FGF14: variants seen among roughly 807,000 people sequenced by gnomAD.
FGF14 encodes the protein fibroblast growth factor 14, also known as fibroblast growth factor homologous factor 4.
FGF14 carries 5 observed loss-of-function variants against 25.5 expected under a neutral mutation model. The observed-to-expected ratio is 0.20, with a 90% CI of 0.10 to 0.41. The LOEUF is 0.41. Ranked by LOEUF, FGF14 falls within the 10% of genes least tolerant of loss-of-function variation. The pLI is 1.00. For missense variants in FGF14, 222 were observed against 320.1 expected (o/e 0.69, Z 2.34); for synonymous variants, 138 against 118.3 (o/e 1.17, Z -1.08).
At position 102,161,673 on chromosome 13, in the gene FGF14, GAAGAAGAA is replaced by G. The variant is rs2047753180; in HGVS notation, c.208+239790_208+239797del. On this transcript the variant is annotated intron_variant, in intron 1 of 4. Transcript: ENST00000376131. ...AGAAGAAGAAGAAGAAGAAGAAGAA[GAAGAAGAA>G]GAAGAAGAAGAAGAAGAAGAAGAAG... 5.3e-5 allele frequency among the ~76,000 whole-genome samples: 3 copies of G among 56,192 alleles called. 1 individual carries two copies. Among genetic ancestry groups the G allele is most frequent in the African/African-American group, 2.0e-4 (3 of 14,928 alleles). The allele number at this position is 56,192 out of a possible 152,430, so 36.9% of individuals were successfully genotyped here. A position where few individuals can be genotyped will look rare whatever the true frequency, so the allele number is the denominator to read the frequency against.
intron 1 of FGF14, among the ~76,000 whole-genome samples, chr13:102,343,735 T>G (rs923474547): frequency 6.6e-6 from 1 of 152,226 alleles, no homozygotes; most frequent in African/African-American, 2.4e-5. Flanking sequence ...TTTAGAAGCA[T>G]AGCAGAATCT....
At chr13:101,785,783 C>A (rs766118520) in intron 3 of FGF14, among the ~76,000 whole-genome samples, 5 of 152,086 alleles carry the variant, frequency 3.3e-5, no homozygotes, top group Non-Finnish European at 7.4e-5. Context: ...TAGAGAGAAT[C>A]AAGTGTAAGG....
chr13:102,024,130 C>A (rs2139886392), intron 1 of FGF14, among the ~76,000 whole-genome samples: 1 of 152,064 alleles, frequency 6.6e-6, no homozygotes, highest in African/African-American at 2.4e-5. Context: ...AAAAAATTTT[C>A]TTAGGTATAT....
chr13:102,060,974 C>T (rs954112066), intron 1 of FGF14, among the ~76,000 whole-genome samples: 2 of 152,146 alleles, frequency 1.3e-5, no homozygotes, highest in Non-Finnish European at 1.5e-5. Context: ...TCATTGATGG[C>T]GGAACAATGC....
chr13:102,096,644 TTGAATTTTTCAAGCACG>T (rs558683727), intron 1 of FGF14, among the ~76,000 whole-genome samples: 64 of 152,118 alleles, frequency 4.2e-4, no homozygotes, highest in Non-Finnish European at 7.9e-4. Flanking sequence ...GAGAGGGTAC[TTGAATTTTTCAAGCACG>T]TGCAGTTTCC....
intron 1 of FGF14, among the ~76,000 whole-genome samples, chr13:102,219,464 C>T (rs748893812): frequency 5.3e-5 from 8 of 152,122 alleles, no homozygotes; most frequent in Non-Finnish European, 1.2e-4. Context: ...TCATATCTTG[C>T]TAAAGTTAGT....
chr13:101,823,331 A>G (rs2042246786), intron 3 of FGF14, among the ~76,000 whole-genome samples: 1 of 150,310 alleles, frequency 6.7e-6, no homozygotes, highest in Admixed American at 6.7e-5. Context: ...CTCTCTCTGT[A>G]TATGTATATA....
chr13:101,806,782 A>C (rs2041230683), intron 3 of FGF14, among the ~76,000 whole-genome samples: 1 of 152,176 alleles, frequency 6.6e-6, no homozygotes, highest in Non-Finnish European at 1.5e-5. Context: ...TATTAATAGC[A>C]TCACCAAATT....
At chr13:102,281,683 C>T (rs987496480) in intron 1 of FGF14, among the ~76,000 whole-genome samples, 4 of 151,214 alleles carry the variant, frequency 2.6e-5, no homozygotes, top group Non-Finnish European at 4.4e-5. Flanking sequence ...TGCTCTGATC[C>T]TAACTTCTTT....
rs570727266 is a variant in FGF14 at position 102,109,831 on chromosome 13, G to C, written c.209-234535C>G. Among the ~76,000 whole-genome samples the C allele has an allele frequency of 2.0e-5, 3 of 152,248 alleles. No individual in the cohort carries two copies. In the South Asian group the frequency reaches 6.2e-4, roughly 32 times the overall value. ...GATGGGCTTTCACCATGTTGGCCAG[G>C]CTGGTCTCGAACTCCCGACCTCAGG... On this transcript the variant is annotated intron_variant, in intron 1 of 4. Transcript: ENST00000376131.
chr13:102,161,608 AAGAAGAAGAAGAAG>A (rs2047684616), intron 1 of FGF14, among the ~76,000 whole-genome samples: 2 of 6,528 alleles, frequency 3.1e-4, no homozygotes, highest in Non-Finnish European at 4.3e-4. Flanking sequence ...GAAGAAGAAG[AAGAAGAAGAAGAAG>A]AAGAAGAAGA....
intron 1 of FGF14, among the ~76,000 whole-genome samples, chr13:102,300,611 C>T (rs192036430): frequency 6.2e-4 from 95 of 152,184 alleles, no homozygotes; most frequent in African/African-American, 2.2e-3. Context: ...TATCTCCGTA[C>T]GGACTATAAT....
At chr13:101,928,395 G>GGT (rs149758126) in intron 1 of FGF14, among the ~76,000 whole-genome samples, 12,086 of 147,960 alleles carry the variant, frequency 0.082, 535 homozygotes, top group Middle Eastern at 0.13. Context: ...AACTTGCTGT[G>GGT]GTGTGTGTGT....
At chr13:102,338,652 A>T (rs1566946636) in intron 1 of FGF14, among the ~76,000 whole-genome samples, 1 of 152,246 alleles carries the variant, frequency 6.6e-6, no homozygotes, top group Non-Finnish European at 1.5e-5. Context: ...TCTATCATTG[A>T]TATCATCAAA....
intron 1 of FGF14, among the ~76,000 whole-genome samples, chr13:101,931,214 T>C (rs2034728689): frequency 6.6e-6 from 1 of 151,986 alleles, no homozygotes; most frequent in South Asian, 2.1e-4. Flanking sequence ...CCCTGTAGGT[T>C]TTTTCTGCTT....
At chr13:101,968,673 C>CAAAAAAAAAAAA (rs11410391) in intron 1 of FGF14, among the ~76,000 whole-genome samples, 1 of 79,056 alleles carries the variant, frequency 1.3e-5, no homozygotes, top group Admixed American at 1.5e-4. Context: ...ACTCCGTCTC[C>CAAAAAAAAAAAA]AAAAAAAAAA....
chr13:102,022,692 G>A (rs1039212919), intron 1 of FGF14, among the ~76,000 whole-genome samples: 1 of 152,034 alleles, frequency 6.6e-6, no homozygotes, highest in African/African-American at 2.4e-5. Flanking sequence ...TGCACAAAAT[G>A]TTAAGGATTG....
chr13:101,842,417 T>C (rs2043235891), intron 3 of FGF14, among the ~76,000 whole-genome samples: 1 of 151,912 alleles, frequency 6.6e-6, no homozygotes, highest in African/African-American at 2.4e-5. Context: ...AATGGAAAAA[T>C]AAAGATCCTC....
At chr13:102,353,327 A>G (rs7981962) in intron 1 of FGF14, among the ~76,000 whole-genome samples, 59,273 of 151,906 alleles carry the variant, frequency 0.39, 14,433 homozygotes, top group African/African-American at 0.69. Flanking sequence ...TCTGTGTATC[A>G]TTTCTTGTCT....
Sources: gnomAD v4.1 joint callset for allele counts (sites outside exome capture counted in the v4.1 genomes callset) on GRCh38, gnomAD v4.1.1 for gene constraint, MANE v1.5 for transcripts, NCBI Gene and HGNC (gene_info 2026-07-23, HGNC 2026-07-21) for gene names.